The following TKT variants were observed in gnomAD, a reference collection of about 807,000 sequenced individuals.
TKT encodes the protein epididymis luminal protein 107.
TKT carries 47 observed loss-of-function variants against 63.9 expected under a neutral mutation model. That is an observed-to-expected ratio of 0.74 (90% confidence interval 0.58 to 0.94). TKT has a LOEUF of 0.94. TKT is among the 40% of genes least tolerant of loss of function. The pLI is 0.00. For synonymous variants in TKT, 338 were observed against 334.1 expected (o/e 1.01, Z -0.13); for missense variants, 721 against 846.2 (o/e 0.85, Z 1.84).
intron 4 of TKT, among the ~76,000 whole-genome samples, chr3:53,236,037 G>C (rs1705014335): frequency 6.6e-6 from 1 of 152,264 alleles, no homozygotes; most frequent in African/African-American, 2.4e-5. Flanking sequence ...GCTGAGCCAG[G>C]ATTCAAACGC....
chr3:53,228,877 C>T, intron 10 of TKT, 130 bp downstream of exon 10: 1 of 1,333,966 alleles, frequency 7.5e-7, no homozygotes, highest in African/African-American at 1.5e-5. Flanking sequence ...CTTCCACAAG[C>T]TACACGAACA....
chr3:53,235,286 G>C, intron 4 of TKT, 112 bp from the exon 5 acceptor site: 1 of 993,528 alleles, frequency 1.0e-6, no homozygotes, highest in Non-Finnish European at 1.4e-6. Flanking sequence ...GCCACGCATG[G>C]ATATGCAGAA....
At chr3:53,233,541 C>T in intron 5 of TKT, 1 of 350,338 alleles carries the variant, frequency 2.9e-6, no homozygotes, top group Non-Finnish European at 5.2e-6. Flanking sequence ...GAGCTCAGTT[C>T]CTTTATTGTC....
At chr3:53,226,500 A>G in intron 13 of TKT, 1 of 495,632 alleles carries the variant, frequency 2.0e-6, no homozygotes, top group Non-Finnish European at 3.6e-6. Flanking sequence ...TCCACCATTT[A>G]GCAGCGAGGT....
At chr3:53,230,372 G>C in intron 8 of TKT, 85 bp downstream of exon 8, 8 of 1,564,674 alleles carry the variant, frequency 5.1e-6, no homozygotes, top group Non-Finnish European at 7.0e-6. Context: ...CAGGCACCTG[G>C]CTCTGCCAAC....
intron 1 of TKT, among the ~76,000 whole-genome samples, chr3:53,253,743 G>A (rs1220920327): frequency 1.3e-5 from 2 of 152,130 alleles, no homozygotes; most frequent in Non-Finnish European, 2.9e-5. Context: ...TAGCCTGGGC[G>A]ATAGAGCAAG....
chr3:53,246,292 A>AC (rs1185222171), intron 1 of TKT, among the ~76,000 whole-genome samples: 2 of 152,066 alleles, frequency 1.3e-5, no homozygotes, highest in Middle Eastern at 3.2e-3. Flanking sequence ...AACAACAACA[A>AC]AAAAAAGGAA....
chr3:53,246,342 A>G (rs1705503439), intron 1 of TKT, among the ~76,000 whole-genome samples: 1 of 152,166 alleles, frequency 6.6e-6, no homozygotes, highest in Non-Finnish European at 1.5e-5. Context: ...CAATTGCAAG[A>G]CCTGGAACTC....
At chr3:53,248,533 C>G (rs11720625) in intron 1 of TKT, among the ~76,000 whole-genome samples, 81,590 of 151,912 alleles carry the variant, frequency 0.54, 22,469 homozygotes, top group Admixed American at 0.63. Flanking sequence ...GGAGGCTGAG[C>G]TGGGAAGACT....
chr3:53,242,383 T>C lies in TKT; in HGVS notation c.108-141A>G. 5.2e-6 allele frequency: 4 copies of C among 771,936 alleles called. No individual in the cohort carries two copies. In the South Asian group the frequency reaches 6.2e-5, roughly 12 times the overall value. 47.8% of individuals were successfully genotyped at this position (771,936 alleles called of 1,614,324 possible). A position where few individuals can be genotyped will look rare whatever the true frequency, so the allele number is the denominator to read the frequency against. On this transcript the variant is annotated intron_variant, in intron 1 of 13. Coordinates refer to ENST00000462138, the MANE Select transcript of TKT (RefSeq NM_001064.4). ...CTTATCAGACAGCCACGAGCTCTTGTTCCCTGGGAGGGTGACACATGGTCT... is the reference window on the plus strand; with the variant it reads ...CTTATCAGACAGCCACGAGCTCTTGCTCCCTGGGAGGGTGACACATGGTCT...
At chr3:53,242,866 T>C (rs1161839381) in intron 1 of TKT, among the ~76,000 whole-genome samples, 1 of 152,074 alleles carries the variant, frequency 6.6e-6, no homozygotes, top group Non-Finnish European at 1.5e-5. Flanking sequence ...GCATGGGGTG[T>C]GGTAGCCTGA....
Position 53,233,253 on chromosome 3 carries a change from A to G in TKT, c.651T>C (p.Asp217=), listed in dbSNP as rs1282022605. The stretch of plus-strand genomic sequence containing the variant: ...TGCACAGCTCCTCCACGCTGTGTCC[A>G]TCCACGATGATGGCATGCCAACTGG... ...EAFGWHAIIV[D]GHSVEELCKA... Residue 217 remains aspartate (D), a synonymous_variant, in exon 6 of 14, where the codon GAT becomes GAC. Coordinates refer to ENST00000462138, the MANE Select transcript of TKT (RefSeq NM_001064.4). 11 of 1,611,756 alleles carry G rather than the reference A, an allele frequency of 6.8e-6. No individual in the cohort carries two copies. In the Middle Eastern group the frequency reaches 8.2e-4, roughly 121 times the overall value.
At chr3:53,238,247 G>C (rs540891283) in intron 4 of TKT, among the ~76,000 whole-genome samples, 5 of 152,350 alleles carry the variant, frequency 3.3e-5, no homozygotes, top group South Asian at 2.1e-4. Context: ...ATTATTTCCA[G>C]CAACTGTAGG....
chr3:53,230,302 A>G (rs1191268566), intron 8 of TKT, among the ~76,000 whole-genome samples, 155 bp downstream of exon 8: 1 of 152,230 alleles, frequency 6.6e-6, no homozygotes, highest in Non-Finnish European at 1.5e-5. Context: ...TGGCTGTTCA[A>G]GGTCAGGGGT....
chr3:53,225,742 A>C lies in TKT; in HGVS notation c.*14T>G, dbSNP rs1553675289. On this transcript the variant is annotated 3_prime_UTR_variant, in exon 14 of 14. Transcript: ENST00000462138. Reference sequence around the variant, plus strand: ...AGGAATGTATAGACCCCCGCCCCACACTTCATACCCGCCCTAGGCCTTGGT... The same window carrying C: ...AGGAATGTATAGACCCCCGCCCCACCCTTCATACCCGCCCTAGGCCTTGGT... 5.0e-6 allele frequency: 8 copies of C among 1,596,030 alleles called. No individual in the cohort carries two copies. The highest frequency in any genetic ancestry group is 6.8e-6 in the Non-Finnish European group (8 of 1,168,006).
At chr3:53,238,978 C>T (rs959843980) in intron 4 of TKT, among the ~76,000 whole-genome samples, 6 of 152,202 alleles carry the variant, frequency 3.9e-5, no homozygotes, top group Admixed American at 2.0e-4. Flanking sequence ...TTGTAGCTCC[C>T]GTAATTCCTA....
intron 1 of TKT, 34 bp downstream of exon 1, chr3:53,255,802 C>T (rs782821001): frequency 7.1e-6 from 10 of 1,410,570 alleles, no homozygotes; most frequent in Non-Finnish European, 9.3e-6. Flanking sequence ...CCGCCCCGCC[C>T]GAGCCGCGTC....
chr3:53,231,632 C>A, intron 6 of TKT, 82 bp from the exon 7 acceptor site: 9 of 1,429,360 alleles, frequency 6.3e-6, no homozygotes, highest in Non-Finnish European at 8.5e-6. Flanking sequence ...AGGAGACTGG[C>A]CCTCTACCTG....
chr3:53,255,851 G>A lies in TKT; in HGVS notation c.92C>T (p.Thr31Ile). ...GCGCACTCACCCAGAGCCCGCCGCA[G>A]TGGTGGCCTGGATGGAGCTGATACG... ...RLRISSIQATTAAGSGHPTSC... is the reference protein window; with the variant it reads ...RLRISSIQATIAAGSGHPTSC... Residue 31 changes from threonine to isoleucine, a missense_variant, in exon 1 of 14, where the codon ACT (threonine) becomes ATT (isoleucine). Physicochemically the swap from Thr to Ile is moderately conservative, Grantham distance 89 (BLOSUM62 -1). Transcript: ENST00000462138. The A allele has an allele frequency of 6.5e-7, 1 of 1,536,500 alleles. No individual in the cohort carries two copies. The highest frequency in any genetic ancestry group is 8.8e-7 in the Non-Finnish European group (1 of 1,141,798).
Sources: allele counts gnomAD v4.1 joint callset (sites outside exome capture counted in the v4.1 genomes callset), GRCh38; gene constraint gnomAD v4.1.1; transcripts MANE v1.5; gene names NCBI Gene and HGNC (gene_info 2026-07-23, HGNC 2026-07-21).